Variants in GRM7 observed in about 807,000 individuals in gnomAD.
GRM7 encodes metabotropic glutamate receptor 7.
A neutral mutation model predicts 84.5 loss-of-function variants in GRM7; 35 were observed. That is an observed-to-expected ratio of 0.41 (90% CI 0.32 to 0.55). The LOEUF is 0.55. Ranked by LOEUF, GRM7 falls within the 20% of genes least tolerant of loss-of-function variation. The probability of loss-of-function intolerance (pLI) is 0.19; values close to 1 mark genes in which losing one functional copy is unlikely to be tolerated. For missense variants in GRM7, 1,003 were observed against 1,194.6 expected (o/e 0.84, Z 2.36); for synonymous variants, 487 against 455.1 (o/e 1.07, Z -0.89).
chr3:7,020,417 C>T (rs1046942983), intron 1 of GRM7, among the ~76,000 whole-genome samples: 8 of 152,058 alleles, frequency 5.3e-5, no homozygotes, highest in African/African-American at 1.9e-4. Flanking sequence ...TAAATCATAA[C>T]CAAATGTTCA....
intron 4 of GRM7, among the ~76,000 whole-genome samples, chr3:7,353,003 A>G (rs937603232): frequency 3.9e-5 from 6 of 152,096 alleles, no homozygotes; most frequent in African/African-American, 1.4e-4. Flanking sequence ...TGATTTTCAG[A>G]AATTTCCATC....
chr3:7,593,891 C>T (rs1026270846), intron 8 of GRM7, among the ~76,000 whole-genome samples: 6 of 151,896 alleles, frequency 4.0e-5, no homozygotes, highest in Admixed American at 2.6e-4. Flanking sequence ...TCCCAAGCAC[C>T]TGCACATTTG....
intron 2 of GRM7, among the ~76,000 whole-genome samples, chr3:7,250,379 A>G (rs1462284015): frequency 1.0e-5 from 1 of 96,014 alleles, no homozygotes; most frequent in Non-Finnish European, 2.0e-5. Context: ...TATTTTATAA[A>G]TTATTTAACT....
intron 2 of GRM7, among the ~76,000 whole-genome samples, chr3:7,182,896 G>GTGT (rs760943382): frequency 5.6e-4 from 62 of 110,750 alleles, no homozygotes; most frequent in South Asian, 1.0e-3. Flanking sequence ...ACGTGAAAGT[G>GTGT]TTTTTTTTTT....
chr3:7,169,511 C>T (rs1301277244), intron 2 of GRM7, among the ~76,000 whole-genome samples: 1 of 152,144 alleles, frequency 6.6e-6, no homozygotes, highest in East Asian at 1.9e-4. Flanking sequence ...GTGGGAAACA[C>T]TGTGAAAATT....
chr3:7,419,868 C>A (rs1696325441), intron 5 of GRM7, among the ~76,000 whole-genome samples: 1 of 152,056 alleles, frequency 6.6e-6, no homozygotes, highest in African/African-American at 2.4e-5. Context: ...TTGTAACAAG[C>A]CTTCATATTT....
At chr3:6,936,633 G>T (rs1382611724) in intron 1 of GRM7, among the ~76,000 whole-genome samples, 2 of 152,020 alleles carry the variant, frequency 1.3e-5, no homozygotes, top group Non-Finnish European at 2.9e-5. Flanking sequence ...TTTCTCTCCT[G>T]ATTGGACCCA....
intron 7 of GRM7, among the ~76,000 whole-genome samples, chr3:7,569,380 T>C (rs1694523921): frequency 6.6e-6 from 1 of 152,118 alleles, no homozygotes. Flanking sequence ...GTCCACACTC[T>C]GTATCTAGCT....
intron 1 of GRM7, among the ~76,000 whole-genome samples, chr3:7,133,911 G>A (rs951574981): frequency 2.6e-5 from 4 of 152,112 alleles, no homozygotes; most frequent in African/African-American, 7.2e-5. Context: ...GGATGGAAAG[G>A]CCTTCATTGT....
intron 8 of GRM7, among the ~76,000 whole-genome samples, chr3:7,640,295 C>T (rs1575583609): frequency 6.6e-6 from 1 of 152,138 alleles, no homozygotes; most frequent in South Asian, 2.1e-4. Context: ...GACAGGTGTT[C>T]TATAGCAATG....
intron 1 of GRM7, among the ~76,000 whole-genome samples, chr3:6,942,422 C>A (rs1697925070): frequency 6.6e-6 from 1 of 152,070 alleles, no homozygotes; most frequent in Non-Finnish European, 1.5e-5. Context: ...CCTGTGTCTT[C>A]TTTTTGTTAA....
chr3:7,047,694 G>T (rs746913638), intron 1 of GRM7, among the ~76,000 whole-genome samples: 3 of 151,994 alleles, frequency 2.0e-5, no homozygotes, highest in African/African-American at 4.8e-5. Flanking sequence ...TGGATTCTAC[G>T]CAAAGAGTTA....
At chr3:7,108,586 C>T (rs529349513) in intron 1 of GRM7, among the ~76,000 whole-genome samples, 3 of 151,428 alleles carry the variant, frequency 2.0e-5, no homozygotes, top group Admixed American at 6.6e-5. Flanking sequence ...CTGTGTCTCA[C>T]GTTCAAGACC....
intron 1 of GRM7, among the ~76,000 whole-genome samples, chr3:7,109,525 A>G (rs1327523376): frequency 6.6e-6 from 1 of 152,098 alleles, no homozygotes; most frequent in Non-Finnish European, 1.5e-5. Flanking sequence ...AGGAAAAGTA[A>G]TCATTGCCAG....
intron 2 of GRM7, among the ~76,000 whole-genome samples, chr3:7,265,542 T>C (rs1175432866): frequency 6.6e-6 from 1 of 152,138 alleles, no homozygotes; most frequent in African/African-American, 2.4e-5. Context: ...CCAGAGGTGT[T>C]TGGTCCCAAG....
intron 6 of GRM7, among the ~76,000 whole-genome samples, chr3:7,457,286 C>G (rs1698057915): frequency 6.6e-6 from 1 of 152,072 alleles, no homozygotes; most frequent in Non-Finnish European, 1.5e-5. Context: ...GGCATTGATA[C>G]AGTTTCATCA....
intron 7 of GRM7, among the ~76,000 whole-genome samples, chr3:7,542,168 C>T (rs556210337): frequency 5.3e-5 from 8 of 152,300 alleles, no homozygotes; most frequent in African/African-American, 1.9e-4. Flanking sequence ...CAAATAAAGT[C>T]ACATTCTGAA....
chr3:7,415,472 A>G (rs116401880), intron 5 of GRM7, among the ~76,000 whole-genome samples: 47 of 152,230 alleles, frequency 3.1e-4, no homozygotes, highest in African/African-American at 1.1e-3. Context: ...ATTTTCACAT[A>G]GACAAAATTC....
chr3:7,702,058 A>G (rs925704221), intron 9 of GRM7, among the ~76,000 whole-genome samples: 4 of 152,194 alleles, frequency 2.6e-5, no homozygotes, highest in Non-Finnish European at 5.9e-5. Flanking sequence ...TAAAGAAAAA[A>G]ATTCTTCTTC....
Sources: gnomAD v4.1 joint callset for allele counts (sites outside exome capture counted in the v4.1 genomes callset) on GRCh38, gnomAD v4.1.1 for gene constraint, MANE v1.5 for transcripts, NCBI Gene and HGNC (gene_info 2026-07-23, HGNC 2026-07-21) for gene names.